The following UBA52 variants were observed in gnomAD, a reference collection of about 807,000 sequenced individuals.
UBA52 encodes the protein ubiquitin A-52 residue ribosomal protein fusion product 1, also known as ubiquitin-ribosomal protein eL40 fusion protein.
UBA52 carries 1 observed loss-of-function variant against 15.3 expected under a neutral mutation model. The ratio of observed to expected loss-of-function variants is 0.07; its 90% confidence interval spans 0.02 to 0.31. The LOEUF (loss-of-function observed/expected upper bound fraction) is 0.31, where lower values mean the gene tolerates loss of function less well. Among genes scored for constraint, UBA52 ranks in the 10% least tolerant of loss-of-function variants. The pLI is 1.00. For synonymous variants in UBA52, 50 were observed against 58.3 expected, an observed-to-expected ratio of 0.86 and a Z score of 0.65; for missense variants, 87 against 168.0, an observed-to-expected ratio of 0.52 and a Z score of 2.66.
In UBA52 at chr19:18,573,355, C is replaced by G; in HGVS notation, c.55C>G (p.Pro19Ala). The change falls in exon 2 of 5, where the codon CCC (proline) becomes GCC (alanine). Residue 19 changes from proline to alanine, a missense_variant. Transcript: ENST00000442744. ...CAAAACCATCACCCTTGAGGTCGAGCCCAGTGACACCATTGAGAATGTCAA... is the reference window on the plus strand; with the variant it reads ...CAAAACCATCACCCTTGAGGTCGAGGCCAGTGACACCATTGAGAATGTCAA... Reference protein sequence around the residue: ...TGKTITLEVEPSDTIENVKAK... With the variant: ...TGKTITLEVEASDTIENVKAK... The G allele has an allele frequency of 6.2e-7, 1 of 1,614,146 alleles. No individual in the cohort carries two copies. Among genetic ancestry groups the G allele is most frequent in the East Asian group, 2.2e-5 (1 of 44,880 alleles).
chr19:18,572,804 G>A, intron 1 of UBA52: 1 of 1,009,830 alleles, frequency 9.9e-7, no homozygotes, highest in Non-Finnish European at 1.2e-6. Context: ...GAGTTAGAGA[G>A]GAGAGAGGCT....
rs1975833694 is a variant in UBA52 at position 18,577,427 on chromosome 19, C to T, written c.*2277C>T. On this transcript the variant is annotated 3_prime_UTR_variant, in exon 5 of 5. Transcript: ENST00000442744. ...TCCCCTTCCAGCATGTGGAAGCTTT[C>T]CTTTCGCTTCATTCAATAAACAGCT... 1 of 152,136 alleles carries T rather than the reference C, an allele frequency of 6.6e-6. No homozygotes were observed. Among genetic ancestry groups the T allele is most frequent in the South Asian group, 2.1e-4 (1 of 4,828 alleles). The allele number at this position is 152,136 out of a possible 1,614,324, so 9.4% of individuals were successfully genotyped here.
chr19:18,573,529 C>A, intron 2 of UBA52, 126 bp downstream of exon 2: 1 of 1,295,054 alleles, frequency 7.7e-7, no homozygotes, highest in South Asian at 1.3e-5. Flanking sequence ...TCCATGTGAT[C>A]TGAAGAACGT....
At position 18,574,843 on chromosome 19, in the gene UBA52, C is replaced by T. The variant is rs199909878; in HGVS notation, c.191-27C>T. On this transcript the variant is annotated intron_variant, in intron 3 of 4. Coordinates refer to ENST00000442744, the MANE Select transcript of UBA52 (RefSeq NM_001033930.3). ...CTGAGGAGCCAGGGCTGGGCTCAGTCGCCGTCCTTCTGGCTGTCTCCTGCA... is the reference window on the plus strand; with the variant it reads ...CTGAGGAGCCAGGGCTGGGCTCAGTTGCCGTCCTTCTGGCTGTCTCCTGCA... The T allele has an allele frequency of 4.6e-4, 741 of 1,610,228 alleles. 6 individuals are homozygous for T. The African/African-American group carries it at 7.4e-3, about 16-fold the overall frequency.
chr19:18,575,410 C>T lies in UBA52; in HGVS notation c.*260C>T. 3 of 486,098 alleles carry T rather than the reference C, an allele frequency of 6.2e-6. No individual in the cohort carries two copies. The highest frequency in any genetic ancestry group is 1.1e-5 in the Non-Finnish European group (3 of 266,036). The allele number at this position is 486,098 out of a possible 1,614,324, so 30.1% of individuals were successfully genotyped here. ...ATGCCCCTGACTCTGGATTTGTCAT[C>T]TGTAAAACTGGAGTAAAAACCTCAG... On this transcript the variant is annotated 3_prime_UTR_variant, in exon 5 of 5. Transcript: ENST00000442744.
Position 18,575,352 on chromosome 19 carries a change from A to G in UBA52, c.*202A>G. ...TGCCACCTGTGGGGTCTTCTGTCCTAGATTCTGTCACATCGGCATTGGTCC... is the reference window on the plus strand; with the variant it reads ...TGCCACCTGTGGGGTCTTCTGTCCTGGATTCTGTCACATCGGCATTGGTCC... On this transcript the variant is annotated 3_prime_UTR_variant, in exon 5 of 5. Transcript: ENST00000442744. 1.7e-6 allele frequency: 1 copy of G among 602,708 alleles called. No individual in the cohort carries two copies. Among genetic ancestry groups the G allele is most frequent in the Non-Finnish European group, 2.9e-6 (1 of 343,522 alleles). The allele number at this position is 602,708 out of a possible 1,614,324, so 37.3% of individuals were successfully genotyped here.
intron 3 of UBA52, 78 bp downstream of exon 3, chr19:18,573,826 TG>T: frequency 7.3e-7 from 1 of 1,361,530 alleles, no homozygotes; most frequent in Admixed American, 1.9e-5. Context: ...CCTCAGGGGT[TG>T]GGGAGCAGTT....
At chr19:18,568,934 G>A (rs901234915), upstream of UBA52, 7 of 424,590 alleles carry the variant, frequency 1.6e-5, no homozygotes, top group Middle Eastern at 1.3e-3. Context: ...TGAGCCTGAC[G>A]TCTGCTCTGA....
chr19:18,571,472 G>A (rs1975476913), upstream of UBA52, among the ~76,000 whole-genome samples: 1 of 152,184 alleles, frequency 6.6e-6, no homozygotes, highest in Non-Finnish European at 1.5e-5. Flanking sequence ...GATTCCAGGT[G>A]TTAGGTGCTT....
chr19:18,568,445 C>T, upstream of UBA52: 3 of 1,614,096 alleles, frequency 1.9e-6, no homozygotes, highest in Non-Finnish European at 2.5e-6. Context: ...ATGAAGACCC[C>T]ATCCCACCCA....
upstream of UBA52, chr19:18,568,664 G>A (rs2145266627): frequency 1.3e-6 from 2 of 1,537,812 alleles, no homozygotes; most frequent in East Asian, 4.5e-5. Context: ...GGGGTCTCAG[G>A]GCAGCAGCAT....
At chr19:18,573,623 G>A (rs1271297943) in intron 2 of UBA52, 39 bp from the exon 3 acceptor site, 2 of 1,602,840 alleles carry the variant, frequency 1.2e-6, no homozygotes, top group South Asian at 1.1e-5. Context: ...CCAGTAATAT[G>A]GTCCGCAGAG....
upstream of UBA52, among the ~76,000 whole-genome samples, chr19:18,567,883 T>G (rs369079772): frequency 2.0e-3 from 310 of 152,308 alleles, 1 homozygote; most frequent in African/African-American, 7.0e-3. Flanking sequence ...CCTGTAGGCC[T>G]AACCCCAGAT....
intron 1 of UBA52, chr19:18,572,530 A>T (rs143811369): frequency 2.6e-5 from 4 of 152,354 alleles, no homozygotes; most frequent in African/African-American, 9.7e-5. Context: ...GAGTTTCACC[A>T]TGTTAGCCAG....
rs1226828391 is a variant in UBA52, at chr19:18,576,265, A to G, written c.*1115A>G. ...GTGATCCTCTCTCCTTTGCCTCCGA[A>G]GTAGCCAGGACTACAGGTGTGCACC... On this transcript the variant is annotated 3_prime_UTR_variant, in exon 5 of 5. Coordinates refer to ENST00000442744, the MANE Select transcript of UBA52 (RefSeq NM_001033930.3). 6.6e-6 allele frequency: 1 copy of G among 152,242 alleles called. No homozygotes were observed. The highest frequency in any genetic ancestry group is 1.9e-4 in the East Asian group (1 of 5,204). 9.4% of individuals were successfully genotyped at this position (152,242 alleles called of 1,614,324 possible).
upstream of UBA52, chr19:18,568,410 G>C: frequency 1.9e-6 from 3 of 1,613,592 alleles, no homozygotes; most frequent in Non-Finnish European, 2.5e-6. Flanking sequence ...AGATATCCCA[G>C]AGGCATCCTT....
chr19:18,573,900 C>T (rs1300541482), intron 3 of UBA52, 152 bp downstream of exon 3: 24 of 734,470 alleles, frequency 3.3e-5, no homozygotes, highest in Middle Eastern at 2.4e-4. Context: ...CCTGTAATCC[C>T]GGCACTTTGG....
chr19:18,565,177 G>A, the UBA52 span: 3 of 1,415,840 alleles, frequency 2.1e-6, no homozygotes, highest in African/African-American at 1.4e-5. Context: ...CCAACCCTGG[G>A]ATAAAATCTT....
chr19:18,572,612 G>A (rs1054977183), intron 1 of UBA52: 1 of 183,682 alleles, frequency 5.4e-6, no homozygotes, highest in Non-Finnish European at 1.0e-5. Context: ...TTACAGGCAT[G>A]AGCCCCTGCG....
Sources: allele counts gnomAD v4.1 joint callset (sites outside exome capture counted in the v4.1 genomes callset), GRCh38; gene constraint gnomAD v4.1.1; transcripts MANE v1.5; gene names NCBI Gene and HGNC (gene_info 2026-07-23, HGNC 2026-07-21).